Variants in FAM81A observed in about 807,000 individuals in gnomAD.
FAM81A encodes the protein family with sequence similarity 81 member A.
FAM81A carries 19 observed loss-of-function variants against 46.7 expected under a neutral mutation model. The ratio of observed to expected loss-of-function variants is 0.41; its 90% CI spans 0.28 to 0.60. The LOEUF (loss-of-function observed/expected upper bound fraction) is 0.60, where lower values mean the gene tolerates loss of function less well. Ranked by LOEUF, FAM81A falls within the 20% of genes least tolerant of loss-of-function variation. The pLI, the probability that FAM81A is intolerant of heterozygous loss-of-function variation, is 0.34. For missense variants in FAM81A, 377 were observed against 453.5 expected (o/e 0.83, Z 1.53); for synonymous variants, 183 against 152.9 (o/e 1.20, Z -1.45).
chr15:59,500,260 A>G (rs1281441002), intron 4 of FAM81A, among the ~76,000 whole-genome samples: 1 of 152,052 alleles, frequency 6.6e-6, no homozygotes, highest in Non-Finnish European at 1.5e-5. Flanking sequence ...GTTTTCAGCC[A>G]TTATTTTTTG....
intron 2 of FAM81A, among the ~76,000 whole-genome samples, chr15:59,410,298 A>G (rs75056921): frequency 6.6e-6 from 1 of 151,960 alleles, no homozygotes; most frequent in Admixed American, 6.6e-5. Context: ...CTCCATGTCC[A>G]AAAAAAAGAA....
intron 3 of FAM81A, among the ~76,000 whole-genome samples, chr15:59,482,664 A>G (rs2081868149): frequency 6.6e-6 from 1 of 152,240 alleles, no homozygotes; most frequent in African/African-American, 2.4e-5. Flanking sequence ...GTAACAAGCC[A>G]TCTGGGTGAG....
chr15:59,492,828 A>G (rs1233695486), intron 4 of FAM81A, among the ~76,000 whole-genome samples: 1 of 152,124 alleles, frequency 6.6e-6, no homozygotes, highest in Non-Finnish European at 1.5e-5. Context: ...GAAAAGTGCT[A>G]TTTTCTCAAA....
At chr15:59,487,734 A>G (rs1473601120) in intron 3 of FAM81A, among the ~76,000 whole-genome samples, 4 of 152,178 alleles carry the variant, frequency 2.6e-5, no homozygotes, top group Non-Finnish European at 5.9e-5. Flanking sequence ...ACAAACCAGT[A>G]ACAAGTAACG....
At chr15:59,504,406 A>G (rs1301924712) in intron 4 of FAM81A, among the ~76,000 whole-genome samples, 1 of 152,236 alleles carries the variant, frequency 6.6e-6, no homozygotes, top group African/African-American at 2.4e-5. Context: ...GCAATAAATA[A>G]AACTAGGGTT....
At chr15:59,494,005 T>C (rs1353483687) in intron 4 of FAM81A, among the ~76,000 whole-genome samples, 1 of 152,222 alleles carries the variant, frequency 6.6e-6, no homozygotes, top group African/African-American at 2.4e-5. Context: ...CACTGCTCTA[T>C]TGAGTCTCTC....
At chr15:59,510,094 A>C (rs2082189386) in intron 6 of FAM81A, among the ~76,000 whole-genome samples, 2 of 152,208 alleles carry the variant, frequency 1.3e-5, no homozygotes, top group South Asian at 4.1e-4. Context: ...TGGTGGGTGC[A>C]GTGGCTCATG....
chr15:59,426,074 AG>A (rs1351647397), intron 2 of FAM81A, among the ~76,000 whole-genome samples: 4 of 152,218 alleles, frequency 2.6e-5, no homozygotes, highest in Non-Finnish European at 5.9e-5. Context: ...ATTAGTCTTT[AG>A]TCCTCTAAAA....
chr15:59,426,793 C>T (rs117940556), intron 2 of FAM81A, among the ~76,000 whole-genome samples: 1 of 152,222 alleles, frequency 6.6e-6, no homozygotes, highest in Admixed American at 6.5e-5. Flanking sequence ...ACACTTCCCC[C>T]CTAAGCTTCT....
At chr15:59,458,441 T>A (rs997927173) in intron 1 of FAM81A, 109 bp from the exon 2 acceptor site, 28 of 662,424 alleles carry the variant, frequency 4.2e-5, no homozygotes, top group Admixed American at 3.2e-4. Context: ...ATATAACTTA[T>A]CAGTGTTTCA....
chr15:59,485,530 C>T (rs1182251098), intron 3 of FAM81A, among the ~76,000 whole-genome samples: 1 of 152,210 alleles, frequency 6.6e-6, no homozygotes, highest in Non-Finnish European at 1.5e-5. Flanking sequence ...AGTACTTCTA[C>T]AAGTATGCAA....
At chr15:59,496,906 T>C (rs1461978545) in intron 4 of FAM81A, among the ~76,000 whole-genome samples, 5 of 150,866 alleles carry the variant, frequency 3.3e-5, no homozygotes, top group African/African-American at 1.2e-4. Flanking sequence ...CGGGTGGATC[T>C]CCTGAGGTCA....
At position 59,522,186 on chromosome 15, in the gene FAM81A, C is replaced by G; in HGVS notation, c.*808C>G. 6.6e-6 allele frequency: 1 copy of G among 152,612 alleles called. No homozygotes were observed. The highest frequency in any genetic ancestry group is 6.5e-5 in the Admixed American group (1 of 15,278). 9.5% of individuals were successfully genotyped at this position (152,612 alleles called of 1,614,324 possible). Reference sequence around the variant, plus strand: ...ACTGCACAATTAATTGTTCACTAATCAAATAGAATGTGGTAATTTTTCAGA... The same window carrying G: ...ACTGCACAATTAATTGTTCACTAATGAAATAGAATGTGGTAATTTTTCAGA... On this transcript the variant is annotated 3_prime_UTR_variant, in exon 9 of 9. Coordinates refer to ENST00000288228, the MANE Select transcript of FAM81A (RefSeq NM_152450.3).
intron 2 of FAM81A, among the ~76,000 whole-genome samples, chr15:59,428,612 T>C (rs1446179167): frequency 6.8e-6 from 1 of 146,692 alleles, no homozygotes; most frequent in Non-Finnish European, 1.5e-5. Context: ...CCTAGATCCA[T>C]GTCTACTCCT....
Position 59,492,282 on chromosome 15 carries a change from G to A in FAM81A, c.306G>A (p.Glu102=), listed in dbSNP as rs2081989424. ...TTTATGTTGCCCAGGTACTCCAGGA[G>A]CAGATTCGTGCCCGGGACAACATTA... ...QLNRDIEVLQ[E]QIRARDNISY... is the part of the protein sequence containing the mutation. The change falls in exon 4 of 9, where the codon GAG becomes GAA. Residue 102 remains glutamate, a synonymous_variant. Coordinates refer to ENST00000288228, the MANE Select transcript of FAM81A (RefSeq NM_152450.3). 1 of 1,612,528 alleles carries A rather than the reference G, an allele frequency of 6.2e-7. No individual in the cohort carries two copies.
chr15:59,429,988 T>C (rs59326013), intron 2 of FAM81A, among the ~76,000 whole-genome samples: 29,744 of 152,160 alleles, frequency 0.2, 3,169 homozygotes, highest in South Asian at 0.28. Context: ...TTCTTTGTTC[T>C]GGGTATGCTT....
intron 1 of FAM81A, chr15:59,439,980 C>T (rs2081280099): frequency 6.6e-6 from 1 of 152,290 alleles, no homozygotes; most frequent in Admixed American, 6.5e-5. Flanking sequence ...CTCCCGAGCA[C>T]CAGAGCCTGA....
In FAM81A at chr15:59,516,637, G is replaced by A. The variant is rs770943218; in HGVS notation, c.787-8G>A. The A allele has an allele frequency of 6.2e-7, 1 of 1,606,258 alleles. No homozygotes were observed. The highest frequency in any genetic ancestry group is 8.5e-7 in the Non-Finnish European group (1 of 1,178,096). On this transcript the variant is annotated splice_region_variant and splice_polypyrimidine_tract_variant and intron_variant, in intron 7 of 8. Coordinates refer to ENST00000288228, the MANE Select transcript of FAM81A (RefSeq NM_152450.3). ...GTGATTAAGTGCAGTTCTTATCATG[G>A]ATCTCAGGGAGCCAGTGAAAGGGAT...
chr15:59,463,012 GT>G (rs1331430147), intron 3 of FAM81A, among the ~76,000 whole-genome samples: 2 of 151,986 alleles, frequency 1.3e-5, no homozygotes, highest in Non-Finnish European at 2.9e-5. Flanking sequence ...AACATTTTTA[GT>G]TTTATTGAAG....
Sources: allele counts gnomAD v4.1 joint callset (sites outside exome capture counted in the v4.1 genomes callset), GRCh38; gene constraint gnomAD v4.1.1; transcripts MANE v1.5; gene names NCBI Gene and HGNC (gene_info 2026-07-23, HGNC 2026-07-21).